The following STAT5B variants were observed in gnomAD, a reference collection of about 807,000 sequenced individuals.
STAT5B encodes the protein signal transducer and activator of transcription 5B, also known as transcription factor STAT5B.
In STAT5B, 21 loss-of-function variants were observed where a neutral mutation model predicts 107.8. The ratio of observed to expected loss-of-function variants is 0.19; its 90% CI spans 0.14 to 0.28. STAT5B has a LOEUF of 0.28. Among genes scored for constraint, STAT5B ranks in the 10% least tolerant of loss-of-function variants. The pLI, the probability that STAT5B is intolerant of heterozygous loss-of-function variation, is 1.00. For synonymous variants in STAT5B, 325 were observed against 401.7 expected (o/e 0.81, Z 2.28); for missense variants, 565 against 1,008.2 (o/e 0.56, Z 5.95).
At chr17:42,246,586 C>T (rs1294147111) in intron 1 of STAT5B, among the ~76,000 whole-genome samples, 2 of 152,000 alleles carry the variant, frequency 1.3e-5, no homozygotes, top group Admixed American at 6.6e-5. Flanking sequence ...GTAAATAGAA[C>T]GAAATACACA....
chr17:42,232,515 C>A (rs1025550752), intron 1 of STAT5B, among the ~76,000 whole-genome samples: 1 of 152,126 alleles, frequency 6.6e-6, no homozygotes, highest in Non-Finnish European at 1.5e-5. Flanking sequence ...TCCTAAAGTG[C>A]TGGGATTACA....
At chr17:42,208,923 G>T (rs772258765) in intron 15 of STAT5B, among the ~76,000 whole-genome samples, 1 of 151,992 alleles carries the variant, frequency 6.6e-6, no homozygotes, top group East Asian at 1.9e-4. Flanking sequence ...TAGTAGAGAC[G>T]GGGGTTTCAC....
In STAT5B at chr17:42,207,487, GCACACACACA is replaced by G. The variant is rs57356051; in HGVS notation, c.2077+61_2077+70del. 1.4e-3 allele frequency: 1,706 copies of G among 1,197,972 alleles called. 1 individual carries two copies. Among genetic ancestry groups the G allele is most frequent in the South Asian group, 5.1e-3 (415 of 81,290 alleles). 74.2% of individuals were successfully genotyped at this position (1,197,972 alleles called of 1,614,324 possible). A position where few individuals can be genotyped will look rare whatever the true frequency, so the allele number is the denominator to read the frequency against. ...CAAGAGAGATAACACACGCAGGTAT[GCACACACACA>G]CACACACACACACACACACACACAC... On this transcript the variant is annotated intron_variant, in intron 16 of 18. Coordinates refer to ENST00000293328, the MANE Select transcript of STAT5B (RefSeq NM_012448.4).
At chr17:42,249,882 G>A (rs145020103) in intron 1 of STAT5B, among the ~76,000 whole-genome samples, 9 of 152,106 alleles carry the variant, frequency 5.9e-5, no homozygotes, top group African/African-American at 9.6e-5. Context: ...GGCTGGTCTC[G>A]AACTCTTGAA....
intron 3 of STAT5B, among the ~76,000 whole-genome samples, chr17:42,227,136 A>AAAATAAATAAATAAAT (rs68033349): frequency 0.29 from 38,026 of 131,828 alleles, 6,392 homozygotes; most frequent in African/African-American, 0.41. Flanking sequence ...CTCCGTCTCA[A>AAAATAAATAAATAAAT]AAATAAATAA....
chr17:42,226,746 T>C (rs1336883992), intron 3 of STAT5B, among the ~76,000 whole-genome samples: 1 of 139,028 alleles, frequency 7.2e-6, no homozygotes, highest in Non-Finnish European at 1.5e-5. Flanking sequence ...AGGTGGAGGT[T>C]GCGGTGAGCC....
chr17:42,202,258 T>C, intron 18 of STAT5B, 82 bp downstream of exon 18: 1 of 1,536,354 alleles, frequency 6.5e-7, no homozygotes. Context: ...CTGGATTCCT[T>C]TGACCCCAGC....
chr17:42,225,041 G>T (rs1194148459), intron 3 of STAT5B, among the ~76,000 whole-genome samples, 173 bp from the exon 4 acceptor site: 6 of 152,034 alleles, frequency 3.9e-5, no homozygotes, highest in Non-Finnish European at 7.4e-5. Flanking sequence ...CAGTGAAAAG[G>T]TAAGATTGTT....
chr17:42,201,934 C>A, intron 18 of STAT5B, 70 bp from the exon 19 acceptor site: 1 of 1,500,578 alleles, frequency 6.7e-7, no homozygotes, highest in Non-Finnish European at 9.2e-7. Flanking sequence ...GCCCCACAGG[C>A]CACCAGGGGA....
At chr17:42,247,585 T>C (rs968424643) in intron 1 of STAT5B, among the ~76,000 whole-genome samples, 1 of 152,186 alleles carries the variant, frequency 6.6e-6, no homozygotes, top group Non-Finnish European at 1.5e-5. Context: ...TGGGGTGTCC[T>C]ACTACCTGTG....
intron 4 of STAT5B, among the ~76,000 whole-genome samples, chr17:42,223,854 C>T (rs1191886590): frequency 6.6e-6 from 1 of 152,094 alleles, no homozygotes; most frequent in Admixed American, 6.6e-5. Flanking sequence ...GAAACTAGAA[C>T]GTAACCTGGT....
chr17:42,227,492 G>A, intron 3 of STAT5B, 37 bp downstream of exon 3: 2 of 1,612,250 alleles, frequency 1.2e-6, no homozygotes, highest in Non-Finnish European at 1.7e-6. Flanking sequence ...ACCCCCAAGG[G>A]AAGGTAATTA....
At chr17:42,280,889 C>G (rs2080792588), upstream of STAT5B, among the ~76,000 whole-genome samples, 1 of 152,144 alleles carries the variant, frequency 6.6e-6, no homozygotes, top group South Asian at 2.1e-4. Context: ...AATCCCAGCA[C>G]TTTGGGAGGC....
intron 16 of STAT5B, among the ~76,000 whole-genome samples, chr17:42,204,296 C>G (rs1164902181): frequency 2.0e-5 from 3 of 152,100 alleles, no homozygotes; most frequent in Non-Finnish European, 2.9e-5. Flanking sequence ...TCCAGGTAAG[C>G]AGGTGGTAAG....
intron 1 of STAT5B, among the ~76,000 whole-genome samples, chr17:42,252,330 A>G (rs2080507462): frequency 6.6e-6 from 1 of 152,156 alleles, no homozygotes; most frequent in African/African-American, 2.4e-5. Context: ...TTTTTAAAAG[A>G]TGGGATGTTT....
intron 1 of STAT5B, among the ~76,000 whole-genome samples, chr17:42,243,557 G>A (rs972283391): frequency 1.3e-5 from 2 of 152,164 alleles, no homozygotes; most frequent in African/African-American, 2.4e-5. Context: ...CAGGAGAAAC[G>A]GAAGAGTGAC....
At chr17:42,227,844 T>C (rs2080286877) in intron 2 of STAT5B, among the ~76,000 whole-genome samples, 159 bp from the exon 3 acceptor site, 1 of 152,212 alleles carries the variant, frequency 6.6e-6, no homozygotes. Context: ...TCAATGCCTA[T>C]GTTAATCTAT....
chr17:42,213,790 A>C, intron 12 of STAT5B, among the ~76,000 whole-genome samples: 1 of 145,432 alleles, frequency 6.9e-6, no homozygotes, highest in Admixed American at 7.1e-5. Context: ...CGGCCTCCCA[A>C]AGTGCTGGGA....
chr17:42,258,635 C>A (rs140132271), intron 1 of STAT5B, among the ~76,000 whole-genome samples: 2 of 152,230 alleles, frequency 1.3e-5, no homozygotes, highest in Non-Finnish European at 2.9e-5. Flanking sequence ...TCTGAGATCA[C>A]GCCATTGCAC....
Sources: allele counts gnomAD v4.1 joint callset (sites outside exome capture counted in the v4.1 genomes callset), GRCh38; gene constraint gnomAD v4.1.1; transcripts MANE v1.5; gene names NCBI Gene and HGNC (gene_info 2026-07-23, HGNC 2026-07-21).